The following SYT4 variants were observed in gnomAD, a reference collection of about 807,000 sequenced individuals.
The protein encoded by SYT4 is synaptotagmin-4.
A neutral mutation model predicts 32.9 loss-of-function variants in SYT4; 7 were observed. The observed-to-expected ratio is 0.21, with a 90% CI of 0.12 to 0.40. The LOEUF is 0.40. Ranked by LOEUF, SYT4 falls within the 10% of genes least tolerant of loss-of-function variation. SYT4 has a pLI of 1.00. For missense variants in SYT4, 480 were observed against 488.0 expected (o/e 0.98, Z 0.16); for synonymous variants, 205 against 186.2 (o/e 1.10, Z -0.82).
At chr18:43,276,538 G>A (rs1431853154) in intron 1 of SYT4, among the ~76,000 whole-genome samples, 1 of 152,090 alleles carries the variant, frequency 6.6e-6, no homozygotes, top group Admixed American at 6.6e-5. Context: ...GTGAGAAAAG[G>A]AAAACTGAAC....
Position 43,270,439 on chromosome 18 carries a change from C to A in SYT4, c.1180G>T (p.Gly394Cys). ...CCACCAGTTCCTTCTGCTGCTGCACCCAAGACTAACTGCCCGATTACCTCA... is the reference window on the plus strand; with the variant it reads ...CCACCAGTTCCTTCTGCTGCTGCACACAAGACTAACTGCCCGATTACCTCA... ...RNEVIGQLVL[G>C]AAAEGTGGEH... Residue 394 changes from glycine to cysteine, a missense_variant, in exon 4 of 4, where the codon GGT (glycine) becomes TGT (cysteine). Physicochemically the swap from Gly to Cys is radical, Grantham distance 159. Transcript: ENST00000255224. 1 of 1,614,056 alleles carries A rather than the reference C, an allele frequency of 6.2e-7. No homozygotes were observed. The highest frequency in any genetic ancestry group is 8.5e-7 in the Non-Finnish European group (1 of 1,179,966).
Position 43,273,871 on chromosome 18 carries a change from C to T in SYT4, c.558G>A (p.Gln186=), listed in dbSNP as rs1448651451. ...TGATATATGGGTCAGAGGTCATCGA[C>T]TGCTCATCCATGGCTGGCAAGCCAC... ...EARGLPAMDE[Q]SMTSDPYIKM... is the part of the protein sequence containing the mutation. Residue 186 remains glutamine (Q), a synonymous_variant, in exon 2 of 4, where the codon CAG becomes CAA. Transcript: ENST00000255224. 1 of 1,614,066 alleles carries T rather than the reference C, an allele frequency of 6.2e-7. No homozygotes were observed. Among genetic ancestry groups the T allele is most frequent in the East Asian group, 2.2e-5 (1 of 44,856 alleles).
chr18:43,270,089 T>C lies in SYT4; in HGVS notation c.*252A>G, dbSNP rs1330050120. Reference sequence around the variant, plus strand: ...TCATAAAATGTCTGACTATTCCTAGTTATATCACTGGTAATCTGAAGGAGA... The same window carrying C: ...TCATAAAATGTCTGACTATTCCTAGCTATATCACTGGTAATCTGAAGGAGA... On this transcript the variant is annotated 3_prime_UTR_variant, in exon 4 of 4. Transcript: ENST00000255224. 8.4e-6 allele frequency: 4 copies of C among 477,788 alleles called. No homozygotes were observed. The highest frequency in any genetic ancestry group is 1.5e-5 in the Non-Finnish European group (4 of 269,090). The allele number at this position is 477,788 out of a possible 1,614,324, so 29.6% of individuals were successfully genotyped here.
In SYT4 at chr18:43,277,397, G is replaced by A; in HGVS notation, c.-116C>T. On this transcript the variant is annotated 5_prime_UTR_variant, in exon 1 of 4. Coordinates refer to ENST00000255224, the MANE Select transcript of SYT4 (RefSeq NM_020783.4). Reference sequence around the variant, plus strand: ...CTGAAAACAACAGCGCAGAGCCCAGGGCACCAGCTCCTGGAACAGGGAGGA... The same window carrying A: ...CTGAAAACAACAGCGCAGAGCCCAGAGCACCAGCTCCTGGAACAGGGAGGA... 2 of 1,228,208 alleles carry A rather than the reference G, an allele frequency of 1.6e-6. No homozygotes were observed. The highest frequency in any genetic ancestry group is 2.5e-5 in the South Asian group (2 of 79,658). The allele number at this position is 1,228,208 out of a possible 1,614,324, so 76.1% of individuals were successfully genotyped here.
chr18:43,275,816 T>C (rs1908774654), intron 1 of SYT4, among the ~76,000 whole-genome samples: 2 of 152,062 alleles, frequency 1.3e-5, no homozygotes, highest in African/African-American at 4.8e-5. Context: ...ACTACTACAG[T>C]ATAAAGCAAG....
Position 43,274,143 on chromosome 18 carries a change from G to T in SYT4, c.286C>A (p.Leu96Ile). 1 of 1,614,052 alleles carries T rather than the reference G, an allele frequency of 6.2e-7. No individual in the cohort carries two copies. The highest frequency in any genetic ancestry group is 8.5e-7 in the Non-Finnish European group (1 of 1,179,944). ...AVPKNSLHLDLEKRDLNGNFP... is the reference protein window; with the variant it reads ...AVPKNSLHLDIEKRDLNGNFP... ...TTGCCATTGAGATCTCTCTTTTCAA[G>T]ATCCAGATGCAATGAATTCTTTGGC... The change falls in exon 2 of 4, where the codon CTT becomes ATT. Residue 96 changes from leucine to isoleucine, a missense_variant. By Grantham distance (5) the Leu-to-Ile change is conservative. Coordinates refer to ENST00000255224, the MANE Select transcript of SYT4 (RefSeq NM_020783.4).
chr18:43,271,736 T>C lies in SYT4; in HGVS notation c.946A>G (p.Lys316Glu), dbSNP rs750776931. The change falls in exon 3 of 4, where the codon AAA (lysine) becomes GAA (glutamate). Residue 316 changes from lysine (K) to glutamate (E), a missense_variant. Coordinates refer to ENST00000255224, the MANE Select transcript of SYT4 (RefSeq NM_020783.4). Reference sequence around the variant, plus strand: ...CCTGAAAGTCCGGACACATCAGATTTAGGCAGATGTCGAGCTTTTAAGACA... The same window carrying C: ...CCTGAAAGTCCGGACACATCAGATTCAGGCAGATGTCGAGCTTTTAAGACA... ...VVVLKARHLP[K>E]SDVSGLSDPY... 4.3e-6 allele frequency: 7 copies of C among 1,613,198 alleles called. No individual in the cohort carries two copies. The highest frequency in any genetic ancestry group is 1.3e-5 in the African/African-American group (1 of 75,020).
intron 2 of SYT4, 189 bp from the exon 3 acceptor site, chr18:43,272,021 G>A: frequency 2.1e-6 from 1 of 473,104 alleles, no homozygotes; most frequent in East Asian, 4.6e-5. Context: ...ACCACTGCCT[G>A]CCATCTTGTG....
chr18:43,271,509 T>G (rs1185618659), intron 3 of SYT4, among the ~76,000 whole-genome samples: 1 of 152,188 alleles, frequency 6.6e-6, no homozygotes, highest in African/African-American at 2.4e-5. Flanking sequence ...GTAGCTTATT[T>G]TGTTTCTCAT....
chr18:43,267,953 G>A lies in SYT4; in HGVS notation c.*2388C>T, dbSNP rs1228806396. 1.3e-5 allele frequency: 2 copies of A among 152,156 alleles called. No individual in the cohort carries two copies. Among genetic ancestry groups the A allele is most frequent in the African/African-American group, 4.8e-5 (2 of 41,436 alleles). 9.4% of individuals were successfully genotyped at this position (152,156 alleles called of 1,614,324 possible). On this transcript the variant is annotated 3_prime_UTR_variant, in exon 4 of 4. Transcript: ENST00000255224. ...CATGGTCTTACAAACATCATACAGA[G>A]CTGGCACAAAAGAACAGACACTGTC...
At chr18:43,270,744 A>G in intron 3 of SYT4, 96 bp from the exon 4 acceptor site, 2 of 1,285,404 alleles carry the variant, frequency 1.6e-6, no homozygotes, top group Non-Finnish European at 2.2e-6. Flanking sequence ...CATGCCAATG[A>G]CATGTGGTTA....
At chr18:43,272,374 A>G (rs1379419710) in intron 2 of SYT4, among the ~76,000 whole-genome samples, 1 of 152,128 alleles carries the variant, frequency 6.6e-6, no homozygotes, top group East Asian at 1.9e-4. Context: ...GGGATAATGG[A>G]GTTAAAATTC....
At chr18:43,274,728 A>G (rs888722970) in intron 1 of SYT4, among the ~76,000 whole-genome samples, 1 of 152,154 alleles carries the variant, frequency 6.6e-6, no homozygotes, top group Admixed American at 6.6e-5. Flanking sequence ...AGACAGCTAC[A>G]ATATGATGGA....
intron 1 of SYT4, among the ~76,000 whole-genome samples, chr18:43,276,160 G>A (rs1305267010): frequency 6.6e-6 from 1 of 152,050 alleles, no homozygotes; most frequent in Non-Finnish European, 1.5e-5. Context: ...TAACCCAAAT[G>A]GAAGGCTGGG....
In SYT4 at chr18:43,277,347, A is replaced by G; in HGVS notation, c.-66T>C. 1 of 1,600,902 alleles carries G rather than the reference A, an allele frequency of 6.2e-7. No homozygotes were observed. Among genetic ancestry groups the G allele is most frequent in the Non-Finnish European group, 8.6e-7 (1 of 1,168,596 alleles). Reference sequence around the variant, plus strand: ...TGCCTGGCTGGATTCACTTGCCTGGATCTCAAGCGCCGGCTTTCGGAGCGC... The same window carrying G: ...TGCCTGGCTGGATTCACTTGCCTGGGTCTCAAGCGCCGGCTTTCGGAGCGC... On this transcript the variant is annotated 5_prime_UTR_variant, in exon 1 of 4. Coordinates refer to ENST00000255224, the MANE Select transcript of SYT4 (RefSeq NM_020783.4).
rs2144368302 is a variant in SYT4, at chr18:43,274,188, C to T, written c.241G>A (p.Val81Ile). Residue 81 changes from valine (V) to isoleucine (I), a missense_variant, in exon 2 of 4, where the codon GTA becomes ATA. By Grantham distance (29) the Val-to-Ile change is conservative (BLOSUM62 3). Coordinates refer to ENST00000255224, the MANE Select transcript of SYT4 (RefSeq NM_020783.4). ...TTTGGCACAGCTGGCTTATTCTTTA[C>T]TTCATTTTTATCATCTGCTCCAAAC... is the stretch of plus-strand genomic sequence containing the variant. ...KKFGADDKNE[V>I]KNKPAVPKNS... 5 of 1,613,982 alleles carry T rather than the reference C, an allele frequency of 3.1e-6. No individual in the cohort carries two copies. The highest frequency in any genetic ancestry group is 4.2e-6 in the Non-Finnish European group (5 of 1,179,926).
At chr18:43,276,359 C>G (rs1051590152) in intron 1 of SYT4, among the ~76,000 whole-genome samples, 1 of 152,152 alleles carries the variant, frequency 6.6e-6, no homozygotes, top group Non-Finnish European at 1.5e-5. Flanking sequence ...TATCACACAT[C>G]TGTAGATATC....
chr18:43,274,560 T>C (rs915514564), intron 1 of SYT4, among the ~76,000 whole-genome samples, 166 bp from the exon 2 acceptor site: 1 of 152,204 alleles, frequency 6.6e-6, no homozygotes, highest in Admixed American at 6.5e-5. Context: ...TAACTTCGGG[T>C]ACAAATACAT....
intron 1 of SYT4, 121 bp from the exon 2 acceptor site, chr18:43,274,515 C>T: frequency 1.3e-6 from 1 of 754,070 alleles, no homozygotes; most frequent in Non-Finnish European, 2.0e-6. Flanking sequence ...TACTTTCCAA[C>T]TGTTCTGGGT....
Sources: gnomAD v4.1 joint callset for allele counts (sites outside exome capture counted in the v4.1 genomes callset) on GRCh38, gnomAD v4.1.1 for gene constraint, MANE v1.5 for transcripts, NCBI Gene and HGNC (gene_info 2026-07-23, HGNC 2026-07-21) for gene names.